SPAG16: variants seen among roughly 807,000 people sequenced by gnomAD.
SPAG16 encodes sperm-associated antigen 16 protein.
In SPAG16, 86 loss-of-function variants were observed where a neutral mutation model predicts 80.4. That is an observed-to-expected ratio of 1.07 (90% CI 0.90 to 1.28). SPAG16 has a LOEUF of 1.28. Ranked by LOEUF, SPAG16 falls within the 50% of genes most tolerant of loss-of-function variation. SPAG16 has a pLI of 0.00. For synonymous variants in SPAG16, 294 were observed against 265.9 expected, an observed-to-expected ratio of 1.11 and a Z score of -1.03; for missense variants, 870 against 765.3, an observed-to-expected ratio of 1.14 and a Z score of -1.61.
chr2:213,525,519 C>T (rs1478607863), intron 10 of SPAG16, among the ~76,000 whole-genome samples: 8 of 151,874 alleles, frequency 5.3e-5, no homozygotes, highest in Non-Finnish European at 8.8e-5. Context: ...AAACTCCTGA[C>T]CTTGTGATCT....
chr2:213,859,993 T>TTGATGATAATGATGATGA (rs2075351467), intron 10 of SPAG16, among the ~76,000 whole-genome samples: 1 of 150,556 alleles, frequency 6.6e-6, no homozygotes, highest in Non-Finnish European at 1.5e-5. Flanking sequence ...TTACCATTAG[T>TTGATGATAATGATGATGA]TGATGATGAT....
chr2:214,159,348 T>C (rs573009514), intron 15 of SPAG16, among the ~76,000 whole-genome samples: 1 of 152,136 alleles, frequency 6.6e-6, no homozygotes, highest in South Asian at 2.1e-4. Flanking sequence ...AGTTAAAATT[T>C]GCAGTGCACA....
rs10183630 is a variant in SPAG16 at position 213,317,376 on chromosome 2, A to C, written c.536+20A>C. The C allele has an allele frequency of 4.4e-6, 7 of 1,594,900 alleles. No individual in the cohort carries two copies. The East Asian group carries it at 1.3e-4, about 31-fold the overall frequency. ...AGCTGAGTATGTTATTTTTTAAATGACATTTTCTTCTTTTTCTTTTGGACT... is the reference window on the plus strand; with the variant it reads ...AGCTGAGTATGTTATTTTTTAAATGCCATTTTCTTCTTTTTCTTTTGGACT... On this transcript the variant is annotated intron_variant, in intron 5 of 15. Coordinates refer to ENST00000331683, the MANE Select transcript of SPAG16 (RefSeq NM_024532.5).
intron 9 of SPAG16, among the ~76,000 whole-genome samples, chr2:213,448,110 T>C (rs1304267791): frequency 6.6e-6 from 1 of 152,238 alleles, no homozygotes; most frequent in African/African-American, 2.4e-5. Flanking sequence ...CAACAGGGAA[T>C]TTATCAAAAA....
chr2:213,659,832 CTAAT>C (rs1460837415), intron 10 of SPAG16, among the ~76,000 whole-genome samples: 1 of 152,018 alleles, frequency 6.6e-6, no homozygotes, highest in Non-Finnish European at 1.5e-5. Context: ...TTAAACAAAA[CTAAT>C]TGTTCCTTGC....
intron 13 of SPAG16, among the ~76,000 whole-genome samples, chr2:214,084,827 C>T (rs1037166319): frequency 6.6e-6 from 1 of 152,112 alleles, no homozygotes; most frequent in Non-Finnish European, 1.5e-5. Context: ...CTGCTTCTTG[C>T]CAAGGAATAT....
intron 15 of SPAG16, among the ~76,000 whole-genome samples, chr2:214,183,761 T>C (rs1472686161): frequency 6.6e-6 from 1 of 152,000 alleles, no homozygotes; most frequent in East Asian, 1.9e-4. Context: ...AAACTTGCAG[T>C]GAGAGCCTGC....
At chr2:213,861,131 G>C (rs1295735069) in intron 10 of SPAG16, among the ~76,000 whole-genome samples, 1 of 152,120 alleles carries the variant, frequency 6.6e-6, no homozygotes, top group Non-Finnish European at 1.5e-5. Flanking sequence ...CAAAATGCTG[G>C]AGAAAAATGA....
chr2:214,316,745 T>A (rs1355964478), intron 15 of SPAG16, among the ~76,000 whole-genome samples: 3 of 152,196 alleles, frequency 2.0e-5, no homozygotes, highest in African/African-American at 7.2e-5. Flanking sequence ...TGTCTCAAGA[T>A]CCTATCAATG....
In SPAG16 at chr2:214,103,752, G is replaced by A. The variant is rs375471282; in HGVS notation, c.1528-4444G>A. On this transcript the variant is annotated intron_variant, in intron 13 of 15. Transcript: ENST00000331683. ...GATCAGATATCAAACCATTTACTCA[G>A]AGAGAAGACTGTTTATTTTCTATTC... is the stretch of plus-strand genomic sequence containing the variant. Among the ~76,000 whole-genome samples, 41 of 152,174 alleles carry A rather than the reference G, an allele frequency of 2.7e-4. 1 individual carries two copies. The highest frequency in any genetic ancestry group is 2.5e-3 in the East Asian group (13 of 5,154).
chr2:214,195,461 G>T (rs142048563), intron 15 of SPAG16, among the ~76,000 whole-genome samples: 15 of 152,028 alleles, frequency 9.9e-5, no homozygotes, highest in African/African-American at 3.6e-4. Context: ...GATATGAGGA[G>T]ACCACTGATG....
chr2:213,387,799 T>A (rs1417761544), intron 9 of SPAG16, among the ~76,000 whole-genome samples: 2 of 152,080 alleles, frequency 1.3e-5, no homozygotes, highest in Non-Finnish European at 2.9e-5. Flanking sequence ...GAAAAAATAT[T>A]TAGATTGTTT....
chr2:213,859,548 A>G (rs1007701836), intron 10 of SPAG16, among the ~76,000 whole-genome samples: 1 of 152,186 alleles, frequency 6.6e-6, no homozygotes, highest in Admixed American at 6.5e-5. Flanking sequence ...TGGGAATGAT[A>G]ATAGTTACAT....
At chr2:213,433,757 A>G (rs190301019) in intron 9 of SPAG16, among the ~76,000 whole-genome samples, 47 of 152,274 alleles carry the variant, frequency 3.1e-4, no homozygotes, top group African/African-American at 1.0e-3. Flanking sequence ...CTTAAAATTT[A>G]TATGGAATCA....
intron 11 of SPAG16, among the ~76,000 whole-genome samples, chr2:213,919,394 T>C (rs2078108338): frequency 1.3e-5 from 2 of 152,200 alleles, no homozygotes; most frequent in Non-Finnish European, 2.9e-5. Context: ...TAAATTGAGA[T>C]CTTTCTAACT....
chr2:214,364,224 C>T (rs771125439), intron 15 of SPAG16, among the ~76,000 whole-genome samples: 2 of 151,980 alleles, frequency 1.3e-5, no homozygotes, highest in Admixed American at 6.6e-5. Flanking sequence ...CTAGTAATGT[C>T]GGACATATAC....
chr2:214,110,974 G>A (rs145507896), intron 14 of SPAG16, among the ~76,000 whole-genome samples: 2,438 of 152,040 alleles, frequency 0.016, 63 homozygotes, highest in African/African-American at 0.056. Flanking sequence ...ACTTTTTGAT[G>A]GGATTTTTTT....
chr2:213,284,575 A>C lies in SPAG16; in HGVS notation c.92A>C (p.Asp31Ala). The change falls in exon 1 of 16, where the codon GAC (aspartate) becomes GCC (alanine). Residue 31 changes from aspartate to alanine, a missense_variant. By Grantham distance (126) the Asp-to-Ala change is moderately radical. Transcript: ENST00000331683. ...MGLTAAGDAR[D>A]TADAVAAEGA... is the part of the protein sequence containing the mutation. ...TTGACGGCAGCCGGGGACGCGAGGG[A>C]CACGGCGGACGCGGTGGCGGCTGAG... 6.2e-7 allele frequency: 1 copy of C among 1,609,776 alleles called. No homozygotes were observed. The highest frequency in any genetic ancestry group is 8.5e-7 in the Non-Finnish European group (1 of 1,178,500).
At chr2:214,095,220 G>C (rs1354929975) in intron 13 of SPAG16, among the ~76,000 whole-genome samples, 1 of 152,012 alleles carries the variant, frequency 6.6e-6, no homozygotes, top group Non-Finnish European at 1.5e-5. Flanking sequence ...TTCACCTCTT[G>C]AGAATTGTGT....
Sources: allele counts gnomAD v4.1 joint callset (sites outside exome capture counted in the v4.1 genomes callset), GRCh38; gene constraint gnomAD v4.1.1; transcripts MANE v1.5; gene names NCBI Gene and HGNC (gene_info 2026-07-23, HGNC 2026-07-21).